The following ELSPBP1 variants were observed in gnomAD, a reference collection of about 807,000 sequenced individuals.
ELSPBP1 encodes the protein epididymal sperm binding protein 1, also known as epididymal sperm-binding protein 1.
ELSPBP1 carries 38 observed loss-of-function variants against 33.3 expected under a neutral mutation model. The observed-to-expected ratio is 1.14, with a 90% CI of 0.88 to 1.50. ELSPBP1 has a LOEUF of 1.50. ELSPBP1 is among the 40% of genes most tolerant of loss of function. ELSPBP1 has a pLI of 0.00. For missense variants in ELSPBP1, 267 were observed against 263.5 expected (o/e 1.01, Z -0.09); for synonymous variants, 85 against 94.1 (o/e 0.90, Z 0.56).
rs542345791 is a variant in ELSPBP1, at chr19:47,999,649, A to C, written c.-18+4838A>C. On this transcript the variant is annotated intron_variant, in intron 1 of 6. Transcript: ENST00000339841. Reference sequence around the variant, plus strand: ...GTGATCCACCCACCTCGGCCTCCCAAAGTGCTGGGATTACAGGCGTGAGCC... The same window carrying C: ...GTGATCCACCCACCTCGGCCTCCCACAGTGCTGGGATTACAGGCGTGAGCC... 5.3e-5 allele frequency among the ~76,000 whole-genome samples: 8 copies of C among 152,052 alleles called. No homozygotes were observed. The East Asian group carries it at 5.8e-4, about 11-fold the overall frequency.
intron 1 of ELSPBP1, 115 bp downstream of exon 1, chr19:47,994,926 A>G (rs1381994706): frequency 6.6e-6 from 1 of 152,260 alleles, no homozygotes; most frequent in Non-Finnish European, 1.5e-5. Context: ...TACGAGCCAC[A>G]TAAATCATTG....
intron 2 of ELSPBP1, among the ~76,000 whole-genome samples, chr19:48,012,025 C>G (rs1967084967): frequency 1.4e-5 from 2 of 146,886 alleles, no homozygotes; most frequent in Admixed American, 6.8e-5. Context: ...CGTGGGTTTT[C>G]ATGTAATGAG....
chr19:48,014,165 C>G lies in ELSPBP1; in HGVS notation c.71-6C>G, dbSNP rs375402318. 1 of 1,612,592 alleles carries G rather than the reference C, an allele frequency of 6.2e-7. No homozygotes were observed. Among genetic ancestry groups the G allele is most frequent in the Admixed American group, 1.7e-5 (1 of 59,924 alleles). On this transcript the variant is annotated splice_polypyrimidine_tract_variant and splice_region_variant and intron_variant, in intron 2 of 6. Transcript: ENST00000339841. ...CCCACTCCTGTTTTCTCCTTCTGCCCTTCAGGGATGCATGAGGAATGTGTC... is the reference window on the plus strand; with the variant it reads ...CCCACTCCTGTTTTCTCCTTCTGCCGTTCAGGGATGCATGAGGAATGTGTC...
intron 2 of ELSPBP1, among the ~76,000 whole-genome samples, chr19:48,009,018 C>G (rs959700975): frequency 6.6e-6 from 1 of 151,808 alleles, no homozygotes; most frequent in Non-Finnish European, 1.5e-5. Flanking sequence ...CGCCTGTAAT[C>G]CCAGCTACTT....
chr19:47,998,808 G>T (rs1177630114), intron 1 of ELSPBP1, among the ~76,000 whole-genome samples: 1 of 135,972 alleles, frequency 7.4e-6, no homozygotes, highest in East Asian at 2.1e-4. Flanking sequence ...AAAAAAAAAT[G>T]CAGAGTCCAA....
rs1967106600 is a variant in ELSPBP1, at chr19:48,014,212, TC to T, written c.113del (p.Ser38LeufsTer58). ...TGTCTTTCCTTTCACCTACAAGGGA[TC>T]TGTTTACTTCACTTGCACCCATATT... is the stretch of plus-strand genomic sequence containing the variant. ...ECVFPFTYKG[S>X]VYFTCTHIHS... On this transcript the variant is annotated frameshift_variant, in exon 3 of 7. Coordinates refer to ENST00000339841, the MANE Select transcript of ELSPBP1 (RefSeq NM_022142.5). LOFTEE classifies it high-confidence loss of function. 1 of 1,613,908 alleles carries T rather than the reference TC, an allele frequency of 6.2e-7. No individual in the cohort carries two copies. Among genetic ancestry groups the T allele is most frequent in the African/African-American group, 1.3e-5 (1 of 74,892 alleles).
chr19:48,017,463 A>T (rs962316102), intron 4 of ELSPBP1, among the ~76,000 whole-genome samples: 1 of 152,200 alleles, frequency 6.6e-6, no homozygotes, highest in Admixed American at 6.6e-5. Context: ...TTCCATTCCT[A>T]ACTCTAAATT....
At chr19:47,999,600 C>G (rs1256719975) in intron 1 of ELSPBP1, among the ~76,000 whole-genome samples, 1 of 151,992 alleles carries the variant, frequency 6.6e-6, no homozygotes, top group Non-Finnish European at 1.5e-5. Flanking sequence ...GTTGGCCAGG[C>G]TGGTCTTGAA....
chr19:48,023,214 A>G (rs1440846521), intron 6 of ELSPBP1, among the ~76,000 whole-genome samples: 3 of 125,586 alleles, frequency 2.4e-5, no homozygotes, highest in Non-Finnish European at 3.4e-5. Context: ...GGAAGGAGGG[A>G]AGGAAGGAGG....
At chr19:48,003,618 C>G (rs1311574893) in intron 1 of ELSPBP1, among the ~76,000 whole-genome samples, 1 of 149,588 alleles carries the variant, frequency 6.7e-6, no homozygotes, top group African/African-American at 2.5e-5. Context: ...CTCACTGCAA[C>G]CTCCGCCTCC....
At chr19:48,022,826 G>A (rs1967216805) in intron 6 of ELSPBP1, among the ~76,000 whole-genome samples, 1 of 151,366 alleles carries the variant, frequency 6.6e-6, no homozygotes, top group Admixed American at 6.6e-5. Context: ...CAAGGCAGGA[G>A]GATCAGTTGA....
rs1967079116 is a variant in ELSPBP1 at position 48,011,527 on chromosome 19, T to C, written c.71-2644T>C. On this transcript the variant is annotated intron_variant, in intron 2 of 6. Coordinates refer to ENST00000339841, the MANE Select transcript of ELSPBP1 (RefSeq NM_022142.5). The surrounding 1 kb of genome is among the most constrained non-coding windows in gnomAD (Gnocchi z 4.5). ...ATGATGATGACAATGATGATGACAA[T>C]GACTGATAATGATGACAATGATGAT... Among the ~76,000 whole-genome samples the C allele has an allele frequency of 6.6e-6, 1 of 151,190 alleles. No individual in the cohort carries two copies. The highest frequency in any genetic ancestry group is 1.5e-5 in the Non-Finnish European group (1 of 67,878).
At chr19:48,012,589 A>AT (rs1967090170) in intron 2 of ELSPBP1, among the ~76,000 whole-genome samples, 1 of 152,026 alleles carries the variant, frequency 6.6e-6, no homozygotes, top group Admixed American at 6.6e-5. Flanking sequence ...TTCACGTGGC[A>AT]TTTTTCCAAA....
At chr19:48,005,202 CAA>C (rs564622240) in intron 1 of ELSPBP1, among the ~76,000 whole-genome samples, 7 of 118,088 alleles carry the variant, frequency 5.9e-5, no homozygotes, top group African/African-American at 9.5e-5. Context: ...GACCCTGTCT[CAA>C]AAAAAAAAAG....
intron 1 of ELSPBP1, among the ~76,000 whole-genome samples, chr19:47,997,117 T>G (rs1239414351): frequency 6.6e-6 from 1 of 152,194 alleles, no homozygotes; most frequent in Non-Finnish European, 1.5e-5. Context: ...AGGTTTTTAA[T>G]TACTGGCATG....
chr19:48,015,545 C>T (rs1410603936), intron 3 of ELSPBP1, among the ~76,000 whole-genome samples: 1 of 152,056 alleles, frequency 6.6e-6, no homozygotes, highest in Non-Finnish European at 1.5e-5. Context: ...GTAATCCCAG[C>T]TACTCGGGAG....
intron 1 of ELSPBP1, among the ~76,000 whole-genome samples, chr19:48,006,211 TGGC>T (rs1339400265): frequency 6.6e-6 from 1 of 152,134 alleles, no homozygotes; most frequent in Non-Finnish European, 1.5e-5. Context: ...CCTCCCATCT[TGGC>T]CTCCCAAATC....
rs1600108254 is a variant in ELSPBP1, at chr19:48,014,025, G to A, written c.71-146G>A. The A allele has an allele frequency of 7.7e-6, 7 of 911,914 alleles. No homozygotes were observed. In the East Asian group the frequency reaches 1.5e-4, roughly 19 times the overall value. The allele number at this position is 911,914 out of a possible 1,614,324, so 56.5% of individuals were successfully genotyped here. A position where few individuals can be genotyped will look rare whatever the true frequency, so the allele number is the denominator to read the frequency against. On this transcript the variant is annotated intron_variant, in intron 2 of 6. Coordinates refer to ENST00000339841, the MANE Select transcript of ELSPBP1 (RefSeq NM_022142.5). Reference sequence around the variant, plus strand: ...AGGCCCCTCGTACCATGACCGTGGGGGTTAGGATTTTAACATATGAATTTT... The same window carrying A: ...AGGCCCCTCGTACCATGACCGTGGGAGTTAGGATTTTAACATATGAATTTT...
At chr19:48,010,454 G>A (rs973533257) in intron 2 of ELSPBP1, among the ~76,000 whole-genome samples, 2 of 152,084 alleles carry the variant, frequency 1.3e-5, no homozygotes, top group African/African-American at 4.8e-5. Context: ...TTGTGTTATG[G>A]ACCAGAAGTG....
Sources: allele counts gnomAD v4.1 joint callset (sites outside exome capture counted in the v4.1 genomes callset), GRCh38; gene constraint gnomAD v4.1.1; non-coding constraint Gnocchi (gnomAD v3.1); transcripts MANE v1.5; gene names NCBI Gene and HGNC (gene_info 2026-07-23, HGNC 2026-07-21).